SMYD3: variants seen among roughly 807,000 people sequenced by gnomAD.
SMYD3 encodes SET and MYND domain containing 3, also known as histone-lysine N-methyltransferase SMYD3.
Under a neutral mutation model 57.7 loss-of-function variants are expected in SMYD3, and 36 were observed. That is an observed-to-expected ratio of 0.62 (90% confidence interval 0.48 to 0.82). SMYD3 has a LOEUF of 0.82. Ranked by LOEUF, SMYD3 falls within the 40% of genes least tolerant of loss-of-function variation. The probability of loss-of-function intolerance (pLI) is 0.00; values close to 1 mark genes in which losing one functional copy is unlikely to be tolerated. For synonymous variants in SMYD3, 211 were observed against 195.0 expected (o/e 1.08, Z -0.68); for missense variants, 515 against 538.8 (o/e 0.96, Z 0.44).
At chr1:246,116,889 T>A (rs539776520) in intron 5 of SMYD3, among the ~76,000 whole-genome samples, 3 of 152,290 alleles carry the variant, frequency 2.0e-5, no homozygotes, top group Non-Finnish European at 4.4e-5. Flanking sequence ...AACAAAAAAA[T>A]TAGACTGCTA....
chr1:245,848,405 G>A (rs957268781), intron 10 of SMYD3, among the ~76,000 whole-genome samples: 33 of 151,754 alleles, frequency 2.2e-4, no homozygotes, highest in African/African-American at 6.5e-4. Flanking sequence ...ACAGGCATGA[G>A]CCACCTTGAC....
Position 246,438,885 on chromosome 1 carries a change from G to T in SMYD3, c.164+68169C>A, listed in dbSNP as rs550505868. On this transcript the variant is annotated intron_variant, in intron 1 of 11. Transcript: ENST00000490107. Reference sequence around the variant, plus strand: ...CACAATAGGGTTCACGCTCCCGTGAGAATCTAATGCCGCTGCTGATCTGAC... The same window carrying T: ...CACAATAGGGTTCACGCTCCCGTGATAATCTAATGCCGCTGCTGATCTGAC... Among the ~76,000 whole-genome samples, 4 of 151,654 alleles carry T rather than the reference G, an allele frequency of 2.6e-5. No individual in the cohort carries two copies. In the South Asian group the frequency reaches 8.4e-4, roughly 32 times the overall value.
chr1:245,858,001 A>G (rs1313748485), intron 10 of SMYD3, among the ~76,000 whole-genome samples: 1 of 152,142 alleles, frequency 6.6e-6, no homozygotes, highest in East Asian at 1.9e-4. Flanking sequence ...CTGGCTCACA[A>G]GGTGATTATG....
At chr1:246,481,570 G>A (rs1285188881) in intron 1 of SMYD3, among the ~76,000 whole-genome samples, 7 of 62,500 alleles carry the variant, frequency 1.1e-4, no homozygotes, top group African/African-American at 3.6e-4. Context: ...TGCAGAGAAC[G>A]GATCATGGGA....
At chr1:245,750,384 C>T (rs1353127393) in intron 11 of SMYD3, among the ~76,000 whole-genome samples, 1 of 152,204 alleles carries the variant, frequency 6.6e-6, no homozygotes, top group Non-Finnish European at 1.5e-5. Flanking sequence ...CGTGTACAGG[C>T]ACTCTGGCTG....
intron 1 of SMYD3, among the ~76,000 whole-genome samples, chr1:246,410,473 T>C (rs1038714703): frequency 2.0e-5 from 3 of 152,224 alleles, no homozygotes; most frequent in African/African-American, 7.2e-5. Flanking sequence ...TGGACTACAT[T>C]TATTGATTTT....
At chr1:246,390,344 G>C (rs1400005829) in intron 1 of SMYD3, among the ~76,000 whole-genome samples, 2 of 148,874 alleles carry the variant, frequency 1.3e-5, no homozygotes, top group African/African-American at 4.9e-5. Context: ...CAAATCCTAA[G>C]ATTGGCTTAA....
rs1177748433 is a variant in SMYD3 at position 245,878,134 on chromosome 1, T to G, written c.814-14248A>C. 3.3e-5 allele frequency among the ~76,000 whole-genome samples: 5 copies of G among 152,128 alleles called. No individual in the cohort carries two copies. The East Asian group carries it at 9.7e-4, about 29-fold the overall frequency. ...CTCACCGATGACATCAGAGAGAGCG[T>G]GCTTTGGGGAGTGATAACTCCTATT... On this transcript the variant is annotated intron_variant, in intron 8 of 11. Coordinates refer to ENST00000490107, the MANE Select transcript of SMYD3 (RefSeq NM_001167740.2).
chr1:246,214,770 G>T (rs1444499401), intron 5 of SMYD3, among the ~76,000 whole-genome samples: 2 of 152,032 alleles, frequency 1.3e-5, no homozygotes, highest in Non-Finnish European at 2.9e-5. Context: ...TCAAGAAACA[G>T]AATCTTCTGA....
intron 10 of SMYD3, among the ~76,000 whole-genome samples, chr1:245,856,557 T>C (rs2051251551): frequency 6.6e-6 from 1 of 152,210 alleles, no homozygotes; most frequent in Non-Finnish European, 1.5e-5. Flanking sequence ...GCCTCTTTGT[T>C]TAAAGTCAGT....
At chr1:245,917,906 A>G (rs1306361689) in intron 7 of SMYD3, among the ~76,000 whole-genome samples, 1 of 152,218 alleles carries the variant, frequency 6.6e-6, no homozygotes, top group Non-Finnish European at 1.5e-5. Context: ...TACTTAAAAG[A>G]AAGCATCTCA....
At chr1:245,866,590 G>C (rs375383219) in intron 8 of SMYD3, among the ~76,000 whole-genome samples, 1 of 152,126 alleles carries the variant, frequency 6.6e-6, no homozygotes, top group South Asian at 2.1e-4. Flanking sequence ...AAACTAGCTG[G>C]GTCTAGTGGC....
chr1:246,022,264 A>G (rs1042754713), intron 5 of SMYD3, among the ~76,000 whole-genome samples: 2 of 152,242 alleles, frequency 1.3e-5, no homozygotes, highest in Non-Finnish European at 2.9e-5. Context: ...TAAAATGCAC[A>G]TATCAGAGAA....
At chr1:245,872,162 T>C (rs1204144226) in intron 8 of SMYD3, among the ~76,000 whole-genome samples, 5 of 152,268 alleles carry the variant, frequency 3.3e-5, no homozygotes, top group East Asian at 1.9e-4. Flanking sequence ...GAAAAGCATG[T>C]CTTCCAGATG....
chr1:246,371,980 AG>A (rs1487552785), intron 1 of SMYD3, among the ~76,000 whole-genome samples: 7 of 152,234 alleles, frequency 4.6e-5, no homozygotes, highest in Non-Finnish European at 1.0e-4. Context: ...CTTGGAACTA[AG>A]CAATGACAAA....
chr1:246,152,762 T>G (rs920935995), intron 5 of SMYD3, among the ~76,000 whole-genome samples: 4 of 152,238 alleles, frequency 2.6e-5, no homozygotes, highest in Non-Finnish European at 4.4e-5. Context: ...TGTTGTTGTT[T>G]TCAAAGACAG....
chr1:245,840,594 G>C (rs1280953092), intron 10 of SMYD3, among the ~76,000 whole-genome samples: 1 of 152,136 alleles, frequency 6.6e-6, no homozygotes, highest in African/African-American at 2.4e-5. Flanking sequence ...CATGGAAAAA[G>C]AGATGTAGAA....
chr1:246,247,788 A>G (rs181236034), intron 5 of SMYD3, among the ~76,000 whole-genome samples: 4 of 152,224 alleles, frequency 2.6e-5, no homozygotes, highest in Non-Finnish European at 5.9e-5. Flanking sequence ...AAAAAAATAA[A>G]TTCTTCTAGT....
chr1:245,774,612 T>C (rs1393492191), intron 10 of SMYD3, among the ~76,000 whole-genome samples: 1 of 152,090 alleles, frequency 6.6e-6, no homozygotes, highest in Non-Finnish European at 1.5e-5. Context: ...ACACTTTAAA[T>C]GGATAAATCC....
Sources: allele counts gnomAD v4.1 joint callset (sites outside exome capture counted in the v4.1 genomes callset), GRCh38; gene constraint gnomAD v4.1.1; transcripts MANE v1.5; gene names NCBI Gene and HGNC (gene_info 2026-07-23, HGNC 2026-07-21).